The following RIPK4 variants were observed in gnomAD, a reference collection of about 807,000 sequenced individuals.
RIPK4 encodes the protein receptor interacting serine/threonine kinase 4.
A neutral mutation model predicts 42.9 loss-of-function variants in RIPK4; 17 were observed. That is an observed-to-expected ratio of 0.40 (90% CI 0.27 to 0.59). RIPK4 has a LOEUF of 0.59. Ranked by LOEUF, RIPK4 falls within the 20% of genes least tolerant of loss-of-function variation. RIPK4 has a pLI of 0.47. For synonymous variants in RIPK4, 498 were observed against 499.1 expected (o/e 1.00, Z 0.03); for missense variants, 897 against 1,104.4 (o/e 0.81, Z 2.66).
chr21:41,743,924 C>T lies in RIPK4; in HGVS notation c.1153G>A (p.Gly385Arg). 2 of 1,612,568 alleles carry T rather than the reference C, an allele frequency of 1.2e-6. No homozygotes were observed. Among genetic ancestry groups the T allele is most frequent in the Non-Finnish European group, 8.5e-7 (1 of 1,179,540 alleles). ...CGCTCAAAGGACAGCGACAGTGATCCTCTGGAAGAGAAGGCGGAGTCCACC... is the reference window on the plus strand; with the variant it reads ...CGCTCAAAGGACAGCGACAGTGATCTTCTGGAAGAGAAGGCGGAGTCCACC... ...SSVDSAFSSR[G>R]SLSLSFEREP... Residue 385 changes from glycine (G) to arginine (R), a missense_variant, in exon 7 of 8, where the codon GGA becomes AGA. By Grantham distance (125) the Gly-to-Arg change is moderately radical. Coordinates refer to ENST00000332512, the MANE Select transcript of RIPK4 (RefSeq NM_020639.3).
chr21:41,756,625 G>A lies in RIPK4; in HGVS notation c.374C>T (p.Thr125Met), dbSNP rs766646024. 1.7e-5 allele frequency: 28 copies of A among 1,613,842 alleles called. No individual in the cohort carries two copies. The highest frequency in any genetic ancestry group is 1.3e-4 in the South Asian group (12 of 91,080). ...GTGCAGGAAGTTCATGCCCACCGCCGTCTCGTGGATGATTCGGAACCGGAG... is the reference window on the plus strand; with the variant it reads ...GTGCAGGAAGTTCATGCCCACCGCCATCTCGTGGATGATTCGGAACCGGAG... ...WDLRFRIIHETAVGMNFLHCM... is the reference protein window; with the variant it reads ...WDLRFRIIHEMAVGMNFLHCM... Residue 125 changes from threonine (T) to methionine (M), a missense_variant, in exon 2 of 8, where the codon ACG becomes ATG. Thr to Met is a moderately conservative substitution (Grantham distance 81). Transcript: ENST00000332512.
In RIPK4 at chr21:41,751,210, C is replaced by G. The variant is rs142075883; in HGVS notation, c.510G>C (p.Leu170=). ...SDFGLAKCNG[L]SHSHDLSMDG... ...CCATGCTGAGGTCATGCGAGTGGGA[C>G]AGCCCGTTGCACTTGGCCAGACCAA... is the stretch of plus-strand genomic sequence containing the variant. The change falls in exon 3 of 8, where the codon CTG becomes CTC. Residue 170 remains leucine (L), a synonymous_variant. Transcript: ENST00000332512. The surrounding 1 kb of genome is among the most constrained non-coding windows in gnomAD (Gnocchi z 4.5). The G allele has an allele frequency of 8.1e-6, 13 of 1,614,122 alleles. No homozygotes were observed. In the African/African-American group the frequency reaches 1.6e-4, roughly 20 times the overall value.
chr21:41,745,176 A>C (rs916859768), intron 6 of RIPK4, among the ~76,000 whole-genome samples: 1 of 152,154 alleles, frequency 6.6e-6, no homozygotes, highest in African/African-American at 2.4e-5. Context: ...CCTGATATAC[A>C]TATTTCCTGA....
Position 41,741,150 on chromosome 21 carries a change from T to A in RIPK4, c.2043A>T (p.Gly681=). ...YTALHLAARN[G]HLATVKLLVE... Reference sequence around the variant, plus strand: ...CAAGCAGCTTGACAGTGGCCAGGTGTCCGTTGCGGGCAGCCAGGTGCAGAG... The same window carrying A: ...CAAGCAGCTTGACAGTGGCCAGGTGACCGTTGCGGGCAGCCAGGTGCAGAG... Residue 681 remains glycine, a synonymous_variant, in exon 8 of 8, where the codon GGA becomes GGT. Coordinates refer to ENST00000332512, the MANE Select transcript of RIPK4 (RefSeq NM_020639.3). The A allele has an allele frequency of 1.2e-6, 2 of 1,612,616 alleles. No individual in the cohort carries two copies. The highest frequency in any genetic ancestry group is 1.7e-6 in the Non-Finnish European group (2 of 1,179,758).
At chr21:41,744,169 G>A (rs767955631) in intron 6 of RIPK4, 29 bp from the exon 7 acceptor site, 2 of 1,548,152 alleles carry the variant, frequency 1.3e-6, no homozygotes, top group Non-Finnish European at 1.7e-6. Context: ...GGGGGTGGGT[G>A]AAGACCCTGC....
At position 41,766,755 on chromosome 21, in the gene RIPK4, G is replaced by C. The variant is rs1023911691; in HGVS notation, c.182+105C>G. On this transcript the variant is annotated intron_variant, in intron 1 of 7. Transcript: ENST00000332512. ...TTGGTTTCCCCCCCGAAGCTGCTCC[G>C]GGGGTGAGTTCGGGAGAGAGAGGCA... The C allele has an allele frequency of 2.5e-5, 30 of 1,216,396 alleles. No homozygotes were observed. The South Asian group carries it at 4.4e-4, about 18-fold the overall frequency. 75.4% of individuals were successfully genotyped at this position (1,216,396 alleles called of 1,614,324 possible).
rs2838114 is a variant in RIPK4, at chr21:41,749,197, C to G, written c.630G>C (p.Ala210=). 0.14 allele frequency: 221,544 copies of G among 1,613,094 alleles called. 16,480 individuals are homozygous for G. Among genetic ancestry groups the G allele is most frequent in the Middle Eastern group, 0.23 (1,364 of 6,060 alleles). The change falls in exon 4 of 8, where the codon GCG becomes GCC. Residue 210 remains alanine (A), a synonymous_variant. Transcript: ENST00000332512. ...FDTKHDVYSF[A]IVIWGVLTQK... ...GTGTGAGCACGCCCCAGATGACGAT[C>G]GCAAAGCTGGAAGAGAAACCAGGCA...
chr21:41,745,466 C>T (rs1259601810), intron 6 of RIPK4, among the ~76,000 whole-genome samples: 2 of 152,202 alleles, frequency 1.3e-5, no homozygotes, highest in Admixed American at 1.3e-4. Context: ...CCGGCCGGGG[C>T]TGGGCCTTCT....
At chr21:41,752,202 C>T (rs888541610) in intron 2 of RIPK4, among the ~76,000 whole-genome samples, 7 of 152,374 alleles carry the variant, frequency 4.6e-5, no homozygotes, top group Middle Eastern at 3.4e-3. Flanking sequence ...CTGCTCTCAA[C>T]TTTCCTTCAA....
rs149545392 is a variant in RIPK4 at position 41,757,439 on chromosome 21, T to C, written c.183-623A>G. On this transcript the variant is annotated intron_variant, in intron 1 of 7. Transcript: ENST00000332512. ...CAGGAGGCTGAGGCAGGAAAATCAC[T>C]TGAACCAGGGAGGCAGAGGTTGCAG... Among the ~76,000 whole-genome samples the C allele has an allele frequency of 3.2e-3, 489 of 151,800 alleles. 1 individual carries two copies. Among genetic ancestry groups the C allele is most frequent in the Admixed American group, 3.0e-3 (46 of 15,264 alleles).
intron 1 of RIPK4, 37 bp downstream of exon 1, chr21:41,766,823 G>A: frequency 6.3e-7 from 1 of 1,581,224 alleles, no homozygotes; most frequent in Non-Finnish European, 8.6e-7. Context: ...CCCAGCCCGG[G>A]CCCCAGCCGC....
In RIPK4 at chr21:41,742,680, C is replaced by T. The variant is rs927570615; in HGVS notation, c.1196-683G>A. Among the ~76,000 whole-genome samples, 2 of 152,154 alleles carry T rather than the reference C, an allele frequency of 1.3e-5. No individual in the cohort carries two copies. The highest frequency in any genetic ancestry group is 1.9e-4 in the East Asian group (1 of 5,200). ...CGCCCTCATGTGAAACGCGTGGGGA[C>T]TTGGAAGTCGGCGGTGGGAAGGTGT... On this transcript the variant is annotated intron_variant, in intron 7 of 7. Transcript: ENST00000332512. This position sits in a 1 kb window ranked among gnomAD's most constrained non-coding sequence, Gnocchi z 5.1.
intron 1 of RIPK4, among the ~76,000 whole-genome samples, chr21:41,763,481 C>T (rs972966853): frequency 6.6e-6 from 1 of 152,070 alleles, no homozygotes; most frequent in Non-Finnish European, 1.5e-5. Context: ...CTTGTGCAAG[C>T]GGAGAAGCAA....
intron 4 of RIPK4, among the ~76,000 whole-genome samples, chr21:41,747,763 C>T (rs936615666): frequency 3.3e-5 from 5 of 152,158 alleles, no homozygotes; most frequent in African/African-American, 1.2e-4. Context: ...AGTAAACGCC[C>T]GGAATGTTTC....
At chr21:41,761,526 GA>G (rs1260748850) in intron 1 of RIPK4, among the ~76,000 whole-genome samples, 11 of 152,190 alleles carry the variant, frequency 7.2e-5, no homozygotes, top group Non-Finnish European at 1.5e-4. Flanking sequence ...GGGCGCTGGC[GA>G]AAGTCCTTCC....
Position 41,741,753 on chromosome 21 carries a change from C to A in RIPK4, c.1440G>T (p.Glu480Asp), listed in dbSNP as rs1027515644. ...GCTCCACGACACCCCGCACCCTCCTCTCCACGGCCATGTGCAACGGGGTGG... is the reference window on the plus strand; with the variant it reads ...GCTCCACGACACCCCGCACCCTCCTATCCACGGCCATGTGCAACGGGGTGG... Reference protein sequence around the residue: ...RGSTPLHMAVERRVRGVVELL... With the variant: ...RGSTPLHMAVDRRVRGVVELL... The change falls in exon 8 of 8, where the codon GAG becomes GAT. Residue 480 changes from glutamate (E) to aspartate (D), a missense_variant. Coordinates refer to ENST00000332512, the MANE Select transcript of RIPK4 (RefSeq NM_020639.3). 7 of 1,612,222 alleles carry A rather than the reference C, an allele frequency of 4.3e-6. No individual in the cohort carries two copies. Among genetic ancestry groups the A allele is most frequent in the Non-Finnish European group, 5.1e-6 (6 of 1,180,028 alleles).
intron 4 of RIPK4, 82 bp downstream of exon 4, chr21:41,749,072 G>C: frequency 6.9e-7 from 1 of 1,441,748 alleles, no homozygotes; most frequent in African/African-American, 1.4e-5. Context: ...CTCTGTTTTA[G>C]GATAGAGAAA....
intron 5 of RIPK4, chr21:41,746,113 A>G: frequency 4.3e-6 from 3 of 693,530 alleles, no homozygotes; most frequent in Non-Finnish European, 8.0e-6. Context: ...GCCACCTGCC[A>G]GTCACAGGGA....
At position 41,743,572 on chromosome 21, in the gene RIPK4, C is replaced by A. The variant is rs1053864742; in HGVS notation, c.1195+310G>T. On this transcript the variant is annotated intron_variant, in intron 7 of 7. Transcript: ENST00000332512. ...CCAGGGAGTGGGGCTCGGCTACTCG[C>A]CAGGCTCACTGCACTGGAGGGGGTT... is the stretch of plus-strand genomic sequence containing the variant. 2.6e-5 allele frequency among the ~76,000 whole-genome samples: 4 copies of A among 152,168 alleles called. No individual in the cohort carries two copies. The East Asian group carries it at 7.7e-4, about 29-fold the overall frequency.
Sources: gnomAD v4.1 joint callset for allele counts (sites outside exome capture counted in the v4.1 genomes callset) on GRCh38, gnomAD v4.1.1 for gene constraint, Gnocchi (gnomAD v3.1) non-coding constraint, MANE v1.5 for transcripts, NCBI Gene and HGNC (gene_info 2026-07-23, HGNC 2026-07-21) for gene names.